ALDH9A1: variants seen among roughly 807,000 people sequenced by gnomAD.
The protein encoded by ALDH9A1 is aldehyde dehydrogenase 9 family member A1, also known as 4-trimethylaminobutyraldehyde dehydrogenase.
In ALDH9A1, 42 loss-of-function variants were observed where a neutral mutation model predicts 56.6. The observed-to-expected ratio is 0.74, with a 90% CI of 0.58 to 0.96. The LOEUF (loss-of-function observed/expected upper bound fraction) is 0.96, where lower values mean the gene tolerates loss of function less well. ALDH9A1 is among the 40% of genes least tolerant of loss of function. ALDH9A1 has a pLI of 0.00. For synonymous variants in ALDH9A1, 242 were observed against 236.0 expected (o/e 1.03, Z -0.23); for missense variants, 661 against 651.5 (o/e 1.01, Z -0.16).
At chr1:165,691,569 C>T (rs534261109) in intron 2 of ALDH9A1, among the ~76,000 whole-genome samples, 4 of 152,270 alleles carry the variant, frequency 2.6e-5, no homozygotes, top group South Asian at 2.1e-4. Flanking sequence ...TTCAGAAGAT[C>T]GGTAATAACA....
At chr1:165,685,493 A>C (rs1216574921) in intron 2 of ALDH9A1, among the ~76,000 whole-genome samples, 1 of 152,230 alleles carries the variant, frequency 6.6e-6, no homozygotes. Flanking sequence ...GAAGGAAAAA[A>C]TGGAGGGAGG....
At position 165,662,903 on chromosome 1, in the gene ALDH9A1, G is replaced by A. The variant is rs917929232; in HGVS notation, c.*147C>T. On this transcript the variant is annotated 3_prime_UTR_variant, in exon 11 of 11. Transcript: ENST00000354775. ...CATTTTCAGTGAGGAAGCTGATGGA[G>A]AGAGAAAGAGTAACATGAACCATTC... 3.0e-6 allele frequency: 2 copies of A among 658,290 alleles called. No homozygotes were observed. Among genetic ancestry groups the A allele is most frequent in the East Asian group, 5.3e-5 (2 of 37,714 alleles). 40.8% of individuals were successfully genotyped at this position (658,290 alleles called of 1,614,324 possible). A position where few individuals can be genotyped will look rare whatever the true frequency, so the allele number is the denominator to read the frequency against.
chr1:165,684,629 C>T (rs951845453), intron 2 of ALDH9A1, among the ~76,000 whole-genome samples: 1 of 152,056 alleles, frequency 6.6e-6, no homozygotes, highest in African/African-American at 2.4e-5. Context: ...TTCTTGAATT[C>T]AAGAGGAAAC....
intron 4 of ALDH9A1, 31 bp downstream of exon 4, chr1:165,682,076 G>A: frequency 3.1e-6 from 5 of 1,612,014 alleles, no homozygotes; most frequent in Non-Finnish European, 4.2e-6. Flanking sequence ...TGAACGAATG[G>A]CTCTCAAATG....
chr1:165,671,382 C>A, intron 6 of ALDH9A1: 1 of 453,086 alleles, frequency 2.2e-6, no homozygotes. Context: ...CATGAAGGAG[C>A]AGATTTAAAA....
rs146666226 is a variant in ALDH9A1, at chr1:165,669,525, C to A, written c.931-75G>T. ...AGGGAAAAGGAAAAATGAACACAAT[C>A]TAAAAACTTTAAACTGAAAAGAGAC... On this transcript the variant is annotated intron_variant, in intron 6 of 10. Transcript: ENST00000354775. 2.8e-3 allele frequency: 3,676 copies of A among 1,318,996 alleles called. 6 individuals are homozygous for A. Among genetic ancestry groups the A allele is most frequent in the Non-Finnish European group, 3.5e-3 (3,384 of 977,530 alleles). The allele number at this position is 1,318,996 out of a possible 1,614,324, so 81.7% of individuals were successfully genotyped here.
rs1272948882 is a variant in ALDH9A1 at position 165,680,383 on chromosome 1, C to T, written c.789+104G>A. 5.7e-6 allele frequency: 7 copies of T among 1,221,166 alleles called. No homozygotes were observed. In the African/African-American group the frequency reaches 9.3e-5, roughly 16 times the overall value. 75.6% of individuals were successfully genotyped at this position (1,221,166 alleles called of 1,614,324 possible). A position where few individuals can be genotyped will look rare whatever the true frequency, so the allele number is the denominator to read the frequency against. ...ATCTCCTTCCCATTCCCAATTCAGG[C>T]TAGGTAAAATCAAAAGAGAAGCCTC... On this transcript the variant is annotated intron_variant, in intron 5 of 10. Coordinates refer to ENST00000354775, the MANE Select transcript of ALDH9A1 (RefSeq NM_000696.4).
chr1:165,671,413 C>T (rs1312597760), intron 6 of ALDH9A1: 1 of 460,582 alleles, frequency 2.2e-6, no homozygotes, highest in Non-Finnish European at 4.3e-6. Flanking sequence ...AAGGGCCTGA[C>T]TCCTTCACAA....
intron 2 of ALDH9A1, among the ~76,000 whole-genome samples, chr1:165,691,087 G>C (rs1324773032): frequency 6.6e-6 from 1 of 152,178 alleles, no homozygotes; most frequent in Non-Finnish European, 1.5e-5. Flanking sequence ...CCCCCAAGTA[G>C]CCTAACTGGG....
At chr1:165,674,315 TAAAAAAAAAAA>T (rs56088658) in intron 6 of ALDH9A1, among the ~76,000 whole-genome samples, 1 of 58,090 alleles carries the variant, frequency 1.7e-5, no homozygotes, top group East Asian at 6.3e-4. Flanking sequence ...TTCCTTTCAC[TAAAAAAAAAAA>T]AAAAAAAAAA....
intron 6 of ALDH9A1, among the ~76,000 whole-genome samples, chr1:165,673,439 G>C (rs1649247045): frequency 6.6e-6 from 1 of 152,094 alleles, no homozygotes; most frequent in South Asian, 2.1e-4. Context: ...TTCACTTTAT[G>C]GACTTGTCCT....
intron 6 of ALDH9A1, among the ~76,000 whole-genome samples, chr1:165,669,841 T>C (rs1168105648): frequency 6.6e-6 from 1 of 152,194 alleles, no homozygotes; most frequent in African/African-American, 2.4e-5. Flanking sequence ...GTCTTAAATC[T>C]AATTGTTAAA....
chr1:165,678,981 C>A (rs1350286969), intron 6 of ALDH9A1, among the ~76,000 whole-genome samples: 2 of 152,082 alleles, frequency 1.3e-5, no homozygotes, highest in East Asian at 3.9e-4. Flanking sequence ...GGAAAAAAAA[C>A]CATTTTTGTT....
intron 6 of ALDH9A1, among the ~76,000 whole-genome samples, chr1:165,674,590 G>A (rs1649289117): frequency 6.7e-6 from 1 of 150,038 alleles, no homozygotes; most frequent in Non-Finnish European, 1.5e-5. Context: ...GGAGGCTAAG[G>A]CAGGAAAATC....
At chr1:165,682,799 A>C (rs1571177734) in intron 3 of ALDH9A1, 182 bp downstream of exon 3, 1 of 637,266 alleles carries the variant, frequency 1.6e-6, no homozygotes, top group East Asian at 2.9e-5. Flanking sequence ...AGAAGGTAGG[A>C]ATTATTATCT....
chr1:165,676,964 T>C (rs759266046), intron 6 of ALDH9A1, among the ~76,000 whole-genome samples: 13 of 152,198 alleles, frequency 8.5e-5, no homozygotes, highest in Non-Finnish European at 1.6e-4. Context: ...AGATGTGAGG[T>C]GGCTTATCGT....
intron 2 of ALDH9A1, among the ~76,000 whole-genome samples, chr1:165,691,714 C>A (rs2101756673): frequency 6.6e-6 from 1 of 152,242 alleles, no homozygotes; most frequent in African/African-American, 2.4e-5. Context: ...AAGAGGGAAC[C>A]TCCCTAACTC....
chr1:165,674,300 TA>T (rs1373938205), intron 6 of ALDH9A1, among the ~76,000 whole-genome samples: 1 of 77,634 alleles, frequency 1.3e-5, no homozygotes, highest in East Asian at 3.8e-4. Flanking sequence ...ACTTTCTTAA[TA>T]AACTTCCTTT....
intron 2 of ALDH9A1, among the ~76,000 whole-genome samples, chr1:165,691,538 A>AG (rs1383679840): frequency 1.3e-5 from 2 of 152,234 alleles, no homozygotes; most frequent in African/African-American, 4.8e-5. Context: ...AGAATGACTT[A>AG]GACAAGTGAC....
Sources: allele counts gnomAD v4.1 joint callset (sites outside exome capture counted in the v4.1 genomes callset), GRCh38; gene constraint gnomAD v4.1.1; transcripts MANE v1.5; gene names NCBI Gene and HGNC (gene_info 2026-07-23, HGNC 2026-07-21).